GALNT13: variants seen among roughly 807,000 people sequenced by gnomAD.
GALNT13 encodes UDP-GalNAc:polypeptide N-acetylgalactosaminyltransferase 13.
In GALNT13, 28 loss-of-function variants were observed where a neutral mutation model predicts 64.2. The observed-to-expected ratio is 0.44, with a 90% CI of 0.32 to 0.60. The LOEUF is 0.60. GALNT13 is among the 20% of genes least tolerant of loss of function. GALNT13 has a pLI of 0.05. For synonymous variants in GALNT13, 214 were observed against 224.6 expected (o/e 0.95, Z 0.42); for missense variants, 577 against 669.8 (o/e 0.86, Z 1.53).
intron 8 of GALNT13, among the ~76,000 whole-genome samples, chr2:154,295,683 G>A (rs1254710524): frequency 6.6e-6 from 1 of 152,070 alleles, no homozygotes; most frequent in African/African-American, 2.4e-5. Flanking sequence ...ATTAGAGAAA[G>A]CTCTAATGTC....
the GALNT13 span, among the ~76,000 whole-genome samples, chr2:153,539,537 A>C: frequency 6.6e-6 from 1 of 151,910 alleles, no homozygotes; most frequent in African/African-American, 2.4e-5. Context: ...TCTAACGTTT[A>C]AGTCTTTAAT....
At chr2:154,155,227 T>A (rs1345129562) in intron 4 of GALNT13, among the ~76,000 whole-genome samples, 1 of 152,048 alleles carries the variant, frequency 6.6e-6, no homozygotes, top group Non-Finnish European at 1.5e-5. Flanking sequence ...GCTGCCTTTA[T>A]CTGTATATTA....
At chr2:153,538,285 G>A in the GALNT13 span, among the ~76,000 whole-genome samples, 12 of 139,742 alleles carry the variant, frequency 8.6e-5, no homozygotes, top group East Asian at 4.1e-4. Flanking sequence ...ATTATTTAGG[G>A]TATCAGGTAG....
At chr2:154,182,518 G>GT (rs771299878) in intron 4 of GALNT13, among the ~76,000 whole-genome samples, 3 of 151,600 alleles carry the variant, frequency 2.0e-5, no homozygotes, top group Non-Finnish European at 2.9e-5. Context: ...TAAGCCAGTA[G>GT]TTCTCAAACA....
At chr2:154,145,933 TTCCACA>T (rs1490255390) in intron 4 of GALNT13, among the ~76,000 whole-genome samples, 1 of 152,016 alleles carries the variant, frequency 6.6e-6, no homozygotes, top group Non-Finnish European at 1.5e-5. Flanking sequence ...CCAATCTCTG[TTCCACA>T]TCTTTTCTTT....
At chr2:153,196,827 C>A in the GALNT13 span, among the ~76,000 whole-genome samples, 1 of 152,116 alleles carries the variant, frequency 6.6e-6, no homozygotes, top group Non-Finnish European at 1.5e-5. Flanking sequence ...GAGCATGGCA[C>A]CACCCTGGGC....
the GALNT13 span, among the ~76,000 whole-genome samples, chr2:153,786,483 T>G: frequency 6.6e-6 from 1 of 151,826 alleles, no homozygotes; most frequent in Non-Finnish European, 1.5e-5. Flanking sequence ...ATTTGACAAC[T>G]CCTCTGCCAC....
chr2:154,185,405 C>T (rs916985651), intron 4 of GALNT13, among the ~76,000 whole-genome samples: 1 of 151,874 alleles, frequency 6.6e-6, no homozygotes, highest in African/African-American at 2.4e-5. Context: ...GTATTTGAAA[C>T]GTTTTTTGTC....
At chr2:153,562,371 A>G in the GALNT13 span, among the ~76,000 whole-genome samples, 1 of 152,008 alleles carries the variant, frequency 6.6e-6, no homozygotes, top group Non-Finnish European at 1.5e-5. Flanking sequence ...CCAGGATTTT[A>G]TTTGATAGTG....
At chr2:153,108,867 C>T in the GALNT13 span, among the ~76,000 whole-genome samples, 3 of 152,058 alleles carry the variant, frequency 2.0e-5, no homozygotes, top group South Asian at 4.1e-4. Context: ...TAATTTCTAA[C>T]CATGTGCTGA....
chr2:153,175,533 T>G, the GALNT13 span, among the ~76,000 whole-genome samples: 1 of 151,994 alleles, frequency 6.6e-6, no homozygotes, highest in Non-Finnish European at 1.5e-5. Context: ...TTCTTCTGTC[T>G]TGCTATCTAA....
chr2:153,255,791 G>A, the GALNT13 span, among the ~76,000 whole-genome samples: 1 of 152,104 alleles, frequency 6.6e-6, no homozygotes, highest in Admixed American at 6.6e-5. Context: ...GTTGAATATT[G>A]GCCCCCACTC....
chr2:154,301,340 C>A, intron 8 of GALNT13, 69 bp from the exon 9 acceptor site: 1 of 1,282,468 alleles, frequency 7.8e-7, no homozygotes, highest in Non-Finnish European at 1.1e-6. Context: ...GAAGATTTGG[C>A]CTAAGCTTCA....
At chr2:153,517,394 G>A in the GALNT13 span, among the ~76,000 whole-genome samples, 2 of 152,134 alleles carry the variant, frequency 1.3e-5, no homozygotes, top group African/African-American at 4.8e-5. Flanking sequence ...AGAGCTTCTA[G>A]GAGAAGTGAT....
At chr2:153,900,422 C>A (rs1473659866) in intron 1 of GALNT13, among the ~76,000 whole-genome samples, 5 of 152,116 alleles carry the variant, frequency 3.3e-5, no homozygotes, top group African/African-American at 1.2e-4. Context: ...GCATTTTTCT[C>A]AGTGCATGGA....
chr2:153,904,965 G>A (rs1688458160), intron 2 of GALNT13, among the ~76,000 whole-genome samples: 1 of 151,658 alleles, frequency 6.6e-6, no homozygotes, highest in Non-Finnish European at 1.5e-5. Flanking sequence ...TTCTATATAT[G>A]TCTGGGTCTT....
the GALNT13 span, among the ~76,000 whole-genome samples, chr2:153,410,872 TTTAGAGAG>T: frequency 2.0e-5 from 3 of 148,856 alleles, no homozygotes; most frequent in Non-Finnish European, 4.5e-5. Context: ...TAAATATATA[TTTAGAGAG>T]AGAGAGAGAG....
chr2:154,186,693 G>A (rs1686268943), intron 4 of GALNT13, among the ~76,000 whole-genome samples: 1 of 152,074 alleles, frequency 6.6e-6, no homozygotes, highest in Non-Finnish European at 1.5e-5. Flanking sequence ...ATGTTATTGA[G>A]CTAAAGTAAA....
At chr2:153,872,619 C>A (rs71351089) in intron 1 of GALNT13, among the ~76,000 whole-genome samples, 2 of 16,286 alleles carry the variant, frequency 1.2e-4, no homozygotes, top group Admixed American at 1.4e-3. Context: ...TTGTTGGTGG[C>A]GGGGGGGGGG....
Sources: gnomAD v4.1 joint callset for allele counts (sites outside exome capture counted in the v4.1 genomes callset) on GRCh38, gnomAD v4.1.1 for gene constraint, MANE v1.5 for transcripts, NCBI Gene and HGNC (gene_info 2026-07-23, HGNC 2026-07-21) for gene names.